The following STIP1 variants were observed in gnomAD, a reference collection of about 807,000 sequenced individuals.
The protein encoded by STIP1 is stress-induced-phosphoprotein 1.
Under a neutral mutation model 77.4 loss-of-function variants are expected in STIP1, and 16 were observed. The ratio of observed to expected loss-of-function variants is 0.21; its 90% CI spans 0.14 to 0.31. The LOEUF is 0.31. STIP1 is among the 10% of genes least tolerant of loss of function. The pLI, the probability that STIP1 is intolerant of heterozygous loss-of-function variation, is 1.00. For missense variants in STIP1, 524 were observed against 684.8 expected (o/e 0.77, Z 2.62); for synonymous variants, 258 against 246.6 (o/e 1.05, Z -0.44).
Position 64,200,590 on chromosome 11 carries a change from C to CGTGTGT in STIP1, c.1245+330_1245+335dup, listed in dbSNP as rs35484605. Among the ~76,000 whole-genome samples, 329 of 141,290 alleles carry CGTGTGT rather than the reference C, an allele frequency of 2.3e-3. 2 individuals are homozygous for CGTGTGT. Among genetic ancestry groups the CGTGTGT allele is most frequent in the South Asian group, 8.8e-3 (37 of 4,186 alleles). The allele number at this position is 141,290 out of a possible 152,430, so 92.7% of individuals were successfully genotyped here. On this transcript the variant is annotated intron_variant, in intron 10 of 13. Transcript: ENST00000305218. Reference sequence around the variant, plus strand: ...AATATGGGACCTGTATCTAACTGGTCGTGTGTGTGTGTGTGTGTGTGTGTG... The same window carrying CGTGTGT: ...AATATGGGACCTGTATCTAACTGGTCGTGTGTGTGTGTGTGTGTGTGTGTGTGTGTG...
rs201745316 is a variant in STIP1, at chr11:64,195,765, G to C, written c.624G>C (p.Glu208Asp). The part of the protein sequence containing the change: ...TPPPPPPPKK[E>D]TKPEPMEEDL... ...CACCACCACCCCCTCCCAAAAAGGA[G>C]ACCAAGCCAGAGCCAATGGAAGAAG... The change falls in exon 5 of 14, where the codon GAG (glutamate) becomes GAC (aspartate). Residue 208 changes from glutamate (E) to aspartate (D), a missense_variant. Transcript: ENST00000305218. 1.9e-6 allele frequency: 3 copies of C among 1,613,986 alleles called. No individual in the cohort carries two copies. Among genetic ancestry groups the C allele is most frequent in the Admixed American group, 1.7e-5 (1 of 59,998 alleles).
At chr11:64,187,866 G>A (rs532826140) in intron 1 of STIP1, among the ~76,000 whole-genome samples, 1 of 151,830 alleles carries the variant, frequency 6.6e-6, no homozygotes, top group African/African-American at 2.4e-5. Context: ...TTAGCCGGGC[G>A]TGGTGGCGGG....
At chr11:64,187,230 C>A (rs547891979) in intron 1 of STIP1, among the ~76,000 whole-genome samples, 1 of 152,038 alleles carries the variant, frequency 6.6e-6, no homozygotes, top group South Asian at 2.1e-4. Context: ...AGGTTTTGTT[C>A]GATTTGAAGC....
chr11:64,198,880 T>C (rs1009525512), intron 8 of STIP1, among the ~76,000 whole-genome samples: 6 of 152,008 alleles, frequency 3.9e-5, no homozygotes, highest in African/African-American at 1.4e-4. Context: ...GACTATTTTA[T>C]AAAGACTGTA....
chr11:64,203,076 C>T (rs777777583), intron 11 of STIP1, 49 bp from the exon 12 acceptor site: 7 of 1,608,034 alleles, frequency 4.4e-6, no homozygotes, highest in Non-Finnish European at 2.6e-6. Flanking sequence ...GTGCAAGGAG[C>T]AGCCTTGGGC....
chr11:64,203,947 C>T lies in STIP1; in HGVS notation c.1560-107C>T, dbSNP rs1946251847. 4 of 1,373,628 alleles carry T rather than the reference C, an allele frequency of 2.9e-6. No individual in the cohort carries two copies. The Admixed American group carries it at 5.5e-5, about 19-fold the overall frequency. 85.1% of individuals were successfully genotyped at this position (1,373,628 alleles called of 1,614,324 possible). The stretch of plus-strand genomic sequence containing the variant: ...GGCGCCCCGGGCCTCGCCAGGACCC[C>T]TCCCTGCCGGGGCCTTCTGTAGAGG... On this transcript the variant is annotated intron_variant, in intron 13 of 13. Transcript: ENST00000305218.
At chr11:64,203,970 A>AG in intron 13 of STIP1, 84 bp from the exon 14 acceptor site, 1 of 1,515,634 alleles carries the variant, frequency 6.6e-7, no homozygotes, top group Non-Finnish European at 9.1e-7. Context: ...CCTTCTGTAG[A>AG]GGGGGTTGAA....
At position 64,197,382 on chromosome 11, in the gene STIP1, A is replaced by G. The variant is rs1946162726; in HGVS notation, c.784A>G (p.Ile262Val). The G allele has an allele frequency of 4.3e-6, 7 of 1,613,920 alleles. No homozygotes were observed. Among genetic ancestry groups the G allele is most frequent in the South Asian group, 2.2e-5 (2 of 91,074 alleles). ...KELDPTNMTY[I>V]TNQAAVYFEK... ...GCTGGACCCCACTAACATGACTTAC[A>G]TTACCAATCAAGCAGGTGAGGCCCA... Residue 262 changes from isoleucine (I) to valine (V), a missense_variant, in exon 6 of 14, where the codon ATT becomes GTT. Coordinates refer to ENST00000305218, the MANE Select transcript of STIP1 (RefSeq NM_006819.3).
chr11:64,196,357 C>T (rs1946150052), intron 5 of STIP1, among the ~76,000 whole-genome samples: 2 of 142,240 alleles, frequency 1.4e-5, no homozygotes, highest in African/African-American at 2.6e-5. Context: ...GAGCTCATCA[C>T]TACACTCCAG....
chr11:64,197,940 A>T lies in STIP1; in HGVS notation c.989A>T (p.His330Leu). ...TTCTATAACAAGTCTCTGGCAGAGC[A>T]CCGAACCCCAGATGTGCTCAAGAAA... Reference protein sequence around the residue: ...IHFYNKSLAEHRTPDVLKKCQ... With the variant: ...IHFYNKSLAELRTPDVLKKCQ... Residue 330 changes from histidine to leucine, a missense_variant, in exon 8 of 14, where the codon CAC becomes CTC. Transcript: ENST00000305218. 6.2e-7 allele frequency: 1 copy of T among 1,613,692 alleles called. No individual in the cohort carries two copies. Among genetic ancestry groups the T allele is most frequent in the Non-Finnish European group, 8.5e-7 (1 of 1,179,896 alleles).
At chr11:64,186,480 C>T (rs976628151) in intron 1 of STIP1, 5 of 467,758 alleles carry the variant, frequency 1.1e-5, no homozygotes, top group Non-Finnish European at 1.6e-5. Flanking sequence ...GCCCATCGCC[C>T]CCTGGTTGGG....
intron 1 of STIP1, chr11:64,186,505 C>G (rs1320654462): frequency 2.6e-5 from 9 of 344,986 alleles, no homozygotes; most frequent in African/African-American, 1.1e-4. Context: ...GAGGGCCCGG[C>G]GGAGGCCACA....
chr11:64,188,712 C>T (rs1946057236), intron 1 of STIP1, among the ~76,000 whole-genome samples: 1 of 152,142 alleles, frequency 6.6e-6, no homozygotes, highest in Non-Finnish European at 1.5e-5. Flanking sequence ...ATTACCACTA[C>T]TGGTGATAGA....
At position 64,194,573 on chromosome 11, in the gene STIP1, C is replaced by T. The variant is rs756268660; in HGVS notation, c.456C>T (p.Tyr152=). Residue 152 remains tyrosine, a synonymous_variant, in exon 4 of 14, where the codon TAC becomes TAT. Coordinates refer to ENST00000305218, the MANE Select transcript of STIP1 (RefSeq NM_006819.3). The part of the protein sequence containing the change: ...RTRTLLSDPT[Y]RELIEQLRNK... ...GGACACTACTCAGTGATCCTACCTA[C>T]CGGGAGCTGATAGAGCAGCTACGAA... The T allele has an allele frequency of 1.2e-6, 2 of 1,614,212 alleles. No homozygotes were observed. Among genetic ancestry groups the T allele is most frequent in the East Asian group, 2.2e-5 (1 of 44,890 alleles).
chr11:64,203,719 G>A, intron 13 of STIP1, 97 bp downstream of exon 13: 1 of 1,484,116 alleles, frequency 6.7e-7, no homozygotes, highest in African/African-American at 1.4e-5. Flanking sequence ...AGTCTGCGAG[G>A]AAGAGGAATT....
At chr11:64,189,610 T>C (rs1946068381) in intron 1 of STIP1, among the ~76,000 whole-genome samples, 1 of 152,180 alleles carries the variant, frequency 6.6e-6, no homozygotes, top group Non-Finnish European at 1.5e-5. Context: ...GATACACTTC[T>C]TACATTTAAC....
chr11:64,197,787 T>C lies in STIP1; in HGVS notation c.903-67T>C. On this transcript the variant is annotated intron_variant, in intron 7 of 13. Coordinates refer to ENST00000305218, the MANE Select transcript of STIP1 (RefSeq NM_006819.3). ...ATGCGGGCCTTTCTAGCTGCAGGTG[T>C]GTTTTTCTGCAGGAGCTGACTTTAT... 3.8e-6 allele frequency: 6 copies of C among 1,585,948 alleles called. No individual in the cohort carries two copies. The Admixed American group carries it at 8.9e-5, about 24-fold the overall frequency.
intron 8 of STIP1, among the ~76,000 whole-genome samples, chr11:64,198,499 C>G (rs1946176171): frequency 6.6e-6 from 1 of 151,912 alleles, no homozygotes; most frequent in African/African-American, 2.4e-5. Context: ...GCCACTGCGC[C>G]TGGCCACGTC....
At chr11:64,185,684 C>A, upstream of STIP1, 1 of 1,201,110 alleles carries the variant, frequency 8.3e-7, no homozygotes, top group East Asian at 2.6e-5. Flanking sequence ...CTACAGACCC[C>A]GACTGCAGCC....
Sources: gnomAD v4.1 joint callset for allele counts (sites outside exome capture counted in the v4.1 genomes callset) on GRCh38, gnomAD v4.1.1 for gene constraint, MANE v1.5 for transcripts, NCBI Gene and HGNC (gene_info 2026-07-23, HGNC 2026-07-21) for gene names.